The following SNTG1 variants were observed in gnomAD, a reference collection of about 807,000 sequenced individuals.
SNTG1 encodes gamma-1-syntrophin.
Under a neutral mutation model 74.7 loss-of-function variants are expected in SNTG1, and 39 were observed. The ratio of observed to expected loss-of-function variants is 0.52; its 90% CI spans 0.40 to 0.68. The LOEUF is 0.68. SNTG1 is among the 30% of genes least tolerant of loss of function. The pLI is 0.00. For missense variants in SNTG1, 685 were observed against 609.5 expected (o/e 1.12, Z -1.30); for synonymous variants, 254 against 217.1 (o/e 1.17, Z -1.49).
chr8:50,699,885 G>T (rs527499797), intron 15 of SNTG1, among the ~76,000 whole-genome samples: 1 of 152,208 alleles, frequency 6.6e-6, no homozygotes, highest in East Asian at 1.9e-4. Context: ...CCAAGTATTA[G>T]ATACTAAGCA....
In SNTG1 at chr8:50,475,796, T is replaced by TAAATGCATTACAAAG. The variant is rs555244926; in HGVS notation, c.363+25071_363+25085dup. On this transcript the variant is annotated intron_variant, in intron 8 of 18. Transcript: ENST00000642720. ...GGAAAGAAAATGTGACAACATAATA[T>TAAATGCATTACAAAG]AAATGCATTACAAAGAAAGTGCTGA... 5.9e-5 allele frequency among the ~76,000 whole-genome samples: 9 copies of TAAATGCATTACAAAG among 152,228 alleles called. No individual in the cohort carries two copies. The South Asian group carries it at 1.7e-3, about 28-fold the overall frequency.
intron 17 of SNTG1, among the ~76,000 whole-genome samples, chr8:50,746,555 C>G (rs1273597576): frequency 6.6e-6 from 1 of 151,830 alleles, no homozygotes; most frequent in Non-Finnish European, 1.5e-5. Flanking sequence ...CTGTCACAGC[C>G]AAGTGGAGCC....
chr8:50,015,223 T>A (rs1244625796), intron 1 of SNTG1, among the ~76,000 whole-genome samples: 1 of 151,812 alleles, frequency 6.6e-6, no homozygotes, highest in Non-Finnish European at 1.5e-5. Flanking sequence ...TCACAGAAAT[T>A]TTGGTGATGT....
At chr8:50,721,627 G>A (rs1314703150) in intron 17 of SNTG1, among the ~76,000 whole-genome samples, 1 of 152,126 alleles carries the variant, frequency 6.6e-6, no homozygotes, top group Non-Finnish European at 1.5e-5. Context: ...TGAGTCTGAT[G>A]TTTGGTTAGG....
chr8:50,079,517 T>C (rs912414870), intron 1 of SNTG1, among the ~76,000 whole-genome samples: 4 of 152,138 alleles, frequency 2.6e-5, no homozygotes, highest in African/African-American at 9.6e-5. Context: ...GTAGGTTGCC[T>C]GTTCACTCTG....
At position 50,209,382 on chromosome 8, in the gene SNTG1, G is replaced by A. The variant is rs1319692026; in HGVS notation, c.-28+36747G>A. Among the ~76,000 whole-genome samples the A allele has an allele frequency of 3.3e-5, 5 of 152,142 alleles. 1 individual carries two copies. Among genetic ancestry groups the A allele is most frequent in the Middle Eastern group, 6.3e-3 (2 of 316 alleles). ...GCTTTAAAGAAAGTAGTGGTTCTCC[G>A]AGCATGGAGTTTGAGATCTGAGAAT... On this transcript the variant is annotated intron_variant, in intron 2 of 18. Transcript: ENST00000642720.
chr8:50,793,900 C>T lies in SNTG1; in HGVS notation c.*1071C>T, dbSNP rs1403148447. ...TAAAAGTTAAAATTCTTTAACCTCC[C>T]TTGTCATGGAAAGTGATTAAGTAAT... is the stretch of plus-strand genomic sequence containing the variant. On this transcript the variant is annotated 3_prime_UTR_variant, in exon 19 of 19. Transcript: ENST00000642720. 1.3e-5 allele frequency: 2 copies of T among 151,774 alleles called. No homozygotes were observed. Among genetic ancestry groups the T allele is most frequent in the Admixed American group, 1.3e-4 (2 of 15,186 alleles). The allele number at this position is 151,774 out of a possible 1,614,324, so 9.4% of individuals were successfully genotyped here.
intron 11 of SNTG1, among the ~76,000 whole-genome samples, chr8:50,550,426 A>G (rs1185639002): frequency 6.6e-6 from 1 of 152,190 alleles, no homozygotes; most frequent in Non-Finnish European, 1.5e-5. Context: ...TAGAAATGAT[A>G]TATATTTATT....
intron 2 of SNTG1, among the ~76,000 whole-genome samples, chr8:50,304,128 C>A (rs1459510301): frequency 6.6e-6 from 1 of 152,202 alleles, no homozygotes; most frequent in African/African-American, 2.4e-5. Context: ...GTTGTGCCCT[C>A]ATGAATGGAT....
intron 9 of SNTG1, among the ~76,000 whole-genome samples, chr8:50,511,258 T>A (rs1051765109): frequency 3.3e-5 from 5 of 152,206 alleles, no homozygotes; most frequent in Non-Finnish European, 4.4e-5. Context: ...AGTTCTAGTT[T>A]GATTGCACTG....
intron 2 of SNTG1, among the ~76,000 whole-genome samples, chr8:50,248,695 G>A (rs567387080): frequency 4.6e-5 from 7 of 151,926 alleles, no homozygotes; most frequent in Non-Finnish European, 5.9e-5. Flanking sequence ...CAGAATACAC[G>A]GCAATCACTA....
At chr8:50,087,932 TC>T (rs1823061614) in intron 1 of SNTG1, among the ~76,000 whole-genome samples, 1 of 69,626 alleles carries the variant, frequency 1.4e-5, no homozygotes, top group African/African-American at 5.8e-5. Flanking sequence ...CCCTCCCCCC[TC>T]CCCCCACCCC....
intron 2 of SNTG1, among the ~76,000 whole-genome samples, chr8:50,363,361 G>A (rs1484236200): frequency 6.6e-6 from 1 of 152,174 alleles, no homozygotes; most frequent in African/African-American, 2.4e-5. Flanking sequence ...TGTGGCCTAT[G>A]TGCAGGTAGT....
intron 5 of SNTG1, among the ~76,000 whole-genome samples, chr8:50,442,108 C>T (rs1017361786): frequency 2.0e-5 from 3 of 152,188 alleles, no homozygotes; most frequent in Non-Finnish European, 2.9e-5. Context: ...CTGACACTCT[C>T]GCATCCCCAT....
intron 18 of SNTG1, among the ~76,000 whole-genome samples, chr8:50,764,459 T>C (rs1329784102): frequency 6.6e-6 from 1 of 151,898 alleles, no homozygotes; most frequent in Non-Finnish European, 1.5e-5. Context: ...GGCAAAGGAC[T>C]CATTTTGAGA....
chr8:50,340,388 A>T (rs888660672), intron 2 of SNTG1, among the ~76,000 whole-genome samples: 2 of 152,032 alleles, frequency 1.3e-5, no homozygotes, highest in Non-Finnish European at 2.9e-5. Flanking sequence ...ATTGATCAAG[A>T]TAACAGAATA....
intron 8 of SNTG1, among the ~76,000 whole-genome samples, chr8:50,482,149 GAC>G (rs2093746179): frequency 6.6e-6 from 1 of 152,172 alleles, no homozygotes; most frequent in Non-Finnish European, 1.5e-5. Context: ...TGTAGCTGTG[GAC>G]TAGCTCTGTC....
At chr8:50,093,748 A>G (rs1289205875) in intron 1 of SNTG1, among the ~76,000 whole-genome samples, 1 of 152,184 alleles carries the variant, frequency 6.6e-6, no homozygotes, top group Non-Finnish European at 1.5e-5. Flanking sequence ...AAAAATTGTG[A>G]AAAGTCCACA....
chr8:49,983,025 T>A (rs1205005383), intron 1 of SNTG1, among the ~76,000 whole-genome samples: 2 of 152,204 alleles, frequency 1.3e-5, no homozygotes, highest in East Asian at 1.9e-4. Context: ...GTTATACCAA[T>A]GAACCTTTAT....
Sources: allele counts gnomAD v4.1 joint callset (sites outside exome capture counted in the v4.1 genomes callset), GRCh38; gene constraint gnomAD v4.1.1; transcripts MANE v1.5; gene names NCBI Gene and HGNC (gene_info 2026-07-23, HGNC 2026-07-21).